CADM2: variants seen among roughly 807,000 people sequenced by gnomAD.
CADM2 encodes the protein immunoglobulin superfamily member 4D.
Under a neutral mutation model 49.8 loss-of-function variants are expected in CADM2, and 12 were observed. The ratio of observed to expected loss-of-function variants is 0.24; its 90% CI spans 0.15 to 0.39. The LOEUF (loss-of-function observed/expected upper bound fraction) is 0.39, where lower values mean the gene tolerates loss of function less well. Ranked by LOEUF, CADM2 falls within the 10% of genes least tolerant of loss-of-function variation. CADM2 has a pLI of 1.00. For synonymous variants in CADM2, 214 were observed against 175.4 expected (o/e 1.22, Z -1.74); for missense variants, 378 against 492.3 (o/e 0.77, Z 2.20).
At chr3:85,050,160 A>G (rs553356324) in intron 1 of CADM2, among the ~76,000 whole-genome samples, 188 of 152,066 alleles carry the variant, frequency 1.2e-3, no homozygotes, top group South Asian at 3.8e-3. Flanking sequence ...CATCTTGCTC[A>G]CTGACCAGGA....
At chr3:85,630,695 T>C (rs1181595626) in intron 1 of CADM2, among the ~76,000 whole-genome samples, 1 of 152,078 alleles carries the variant, frequency 6.6e-6, no homozygotes, top group Non-Finnish European at 1.5e-5. Context: ...CAAGAATTAC[T>C]TTAGAATAAC....
intron 1 of CADM2, among the ~76,000 whole-genome samples, chr3:85,487,884 C>G (rs1310062344): frequency 6.6e-6 from 1 of 152,052 alleles, no homozygotes. Flanking sequence ...ATACAATTTT[C>G]CCATCAGTCC....
intron 8 of CADM2, among the ~76,000 whole-genome samples, chr3:86,011,202 C>A (rs183548158): frequency 3.9e-4 from 59 of 152,034 alleles, no homozygotes; most frequent in African/African-American, 1.4e-3. Flanking sequence ...AAATATTAAT[C>A]AATTTTACTG....
chr3:85,864,609 C>A (rs1312493824), intron 3 of CADM2, among the ~76,000 whole-genome samples: 1 of 152,156 alleles, frequency 6.6e-6, no homozygotes, highest in Non-Finnish European at 1.5e-5. Context: ...AATTCCTCAA[C>A]AACAGCAACA....
At chr3:85,402,755 A>C (rs2035177453) in intron 1 of CADM2, among the ~76,000 whole-genome samples, 1 of 152,300 alleles carries the variant, frequency 6.6e-6, no homozygotes, top group African/African-American at 2.4e-5. Context: ...TGCCTGTGTT[A>C]GAAGCTATAA....
chr3:85,851,129 A>G (rs1376785595), intron 3 of CADM2, among the ~76,000 whole-genome samples: 1 of 152,180 alleles, frequency 6.6e-6, no homozygotes, highest in Non-Finnish European at 1.5e-5. Context: ...GACACACTAA[A>G]ACATTTTAAT....
At chr3:85,520,160 CTT>C (rs1347427122) in intron 1 of CADM2, among the ~76,000 whole-genome samples, 2 of 151,856 alleles carry the variant, frequency 1.3e-5, no homozygotes, top group African/African-American at 2.4e-5. Context: ...AACTTCAACT[CTT>C]TCGTTTAGAA....
intron 1 of CADM2, among the ~76,000 whole-genome samples, chr3:85,229,268 G>A (rs1037103142): frequency 2.0e-5 from 3 of 152,156 alleles, no homozygotes; most frequent in Non-Finnish European, 4.4e-5. Flanking sequence ...GACCCGCTGA[G>A]CCAGGCACCA....
intron 8 of CADM2, among the ~76,000 whole-genome samples, chr3:85,990,041 A>AAAAAAAAAG: frequency 6.7e-6 from 1 of 149,078 alleles, no homozygotes; most frequent in African/African-American, 2.5e-5. Context: ...AAAAAAAAAA[A>AAAAAAAAAG]AAAGAAGACT....
chr3:85,195,647 A>C (rs1203829978), intron 1 of CADM2, among the ~76,000 whole-genome samples: 3 of 152,020 alleles, frequency 2.0e-5, no homozygotes, highest in Non-Finnish European at 2.9e-5. Flanking sequence ...TGAAGTCTGC[A>C]ACAAAGTAGG....
At chr3:85,287,354 T>A (rs990604705) in intron 1 of CADM2, among the ~76,000 whole-genome samples, 3 of 152,032 alleles carry the variant, frequency 2.0e-5, no homozygotes, top group Non-Finnish European at 4.4e-5. Flanking sequence ...TGTAAACTGG[T>A]TTTTAATCAT....
chr3:85,772,014 T>G (rs911999663), intron 2 of CADM2, among the ~76,000 whole-genome samples: 1 of 148,436 alleles, frequency 6.7e-6, no homozygotes, highest in Non-Finnish European at 1.5e-5. Context: ...CTTTCTTTTT[T>G]TTTTTTTTTT....
intron 1 of CADM2, among the ~76,000 whole-genome samples, chr3:85,359,109 A>G (rs1162271088): frequency 6.6e-6 from 1 of 152,144 alleles, no homozygotes; most frequent in East Asian, 1.9e-4. Flanking sequence ...CATGGGTGTT[A>G]GGCTTGACTG....
At chr3:85,494,070 A>C (rs1267360663) in intron 1 of CADM2, among the ~76,000 whole-genome samples, 1 of 152,324 alleles carries the variant, frequency 6.6e-6, no homozygotes, top group Non-Finnish European at 1.5e-5. Context: ...TGCATCAAAA[A>C]ATCAACTTTT....
intron 1 of CADM2, among the ~76,000 whole-genome samples, chr3:85,667,583 C>G (rs2065607289): frequency 6.6e-6 from 1 of 151,958 alleles, no homozygotes. Context: ...AGACCTAATT[C>G]AGGATAACTC....
At chr3:85,061,317 G>A (rs1199198402) in intron 1 of CADM2, among the ~76,000 whole-genome samples, 1 of 152,062 alleles carries the variant, frequency 6.6e-6, no homozygotes, top group Non-Finnish European at 1.5e-5. Context: ...CAACAGTGCA[G>A]TCCATGGCAA....
intron 1 of CADM2, among the ~76,000 whole-genome samples, chr3:85,353,182 A>G (rs2031518102): frequency 6.6e-6 from 1 of 152,116 alleles, no homozygotes; most frequent in Non-Finnish European, 1.5e-5. Context: ...GTCATTGACT[A>G]GAATTCCAAA....
In CADM2 at chr3:85,343,393, C is replaced by T. The variant is rs529911903; in HGVS notation, c.62-383129C>T. ...AGATAACTTGGATCCAAATATCTCT[C>T]GCTTAACTCCCATTCTAGAGTCTCT... On this transcript the variant is annotated intron_variant, in intron 1 of 9. Transcript: ENST00000383699. 5.9e-5 allele frequency among the ~76,000 whole-genome samples: 9 copies of T among 152,260 alleles called. No individual in the cohort carries two copies. In the South Asian group the frequency reaches 6.2e-4, roughly 11 times the overall value.
intron 1 of CADM2, among the ~76,000 whole-genome samples, chr3:85,234,947 G>A (rs2042378063): frequency 6.6e-6 from 1 of 152,032 alleles, no homozygotes; most frequent in Admixed American, 6.6e-5. Flanking sequence ...TATGTGTGCT[G>A]AACACTGGGT....
Sources: gnomAD v4.1 joint callset for allele counts (sites outside exome capture counted in the v4.1 genomes callset) on GRCh38, gnomAD v4.1.1 for gene constraint, MANE v1.5 for transcripts, NCBI Gene and HGNC (gene_info 2026-07-23, HGNC 2026-07-21) for gene names.